DOCK3: variants seen among roughly 807,000 people sequenced by gnomAD.
DOCK3 encodes dedicator of cytokinesis protein 3.
In DOCK3, 60 loss-of-function variants were observed where a neutral mutation model predicts 265.6. The observed-to-expected ratio is 0.23, with a 90% CI of 0.18 to 0.28. DOCK3 has a LOEUF of 0.28. Among genes scored for constraint, DOCK3 ranks in the 10% least tolerant of loss-of-function variants. DOCK3 has a pLI of 1.00. For missense variants in DOCK3, 1,981 were observed against 2,594.3 expected, an observed-to-expected ratio of 0.76 and a Z score of 5.14; for synonymous variants, 881 against 938.0, an observed-to-expected ratio of 0.94 and a Z score of 1.11.
intron 9 of DOCK3, among the ~76,000 whole-genome samples, chr3:51,120,360 A>G (rs974247073): frequency 2.6e-5 from 4 of 151,654 alleles, no homozygotes; most frequent in African/African-American, 9.7e-5. Context: ...AGGGGCACCC[A>G]TTGGGTGCCA....
intron 4 of DOCK3, among the ~76,000 whole-genome samples, chr3:50,922,072 C>T (rs1340545177): frequency 6.6e-6 from 1 of 152,184 alleles, no homozygotes; most frequent in Non-Finnish European, 1.5e-5. Flanking sequence ...AACCACTTCT[C>T]TCTTCAAAGC....
At chr3:50,934,250 C>T (rs900756584) in intron 5 of DOCK3, among the ~76,000 whole-genome samples, 173 bp downstream of exon 5, 4 of 152,106 alleles carry the variant, frequency 2.6e-5, no homozygotes, top group African/African-American at 9.7e-5. Context: ...CTGAGGAGAA[C>T]ACATTATTAT....
chr3:51,364,122 A>G (rs1454121377), intron 49 of DOCK3, among the ~76,000 whole-genome samples: 4 of 152,194 alleles, frequency 2.6e-5, no homozygotes, highest in Admixed American at 2.0e-4. Context: ...AAGTGTTCCT[A>G]TTTCTCTACA....
chr3:50,823,193 G>C lies in DOCK3; in HGVS notation c.122-18482G>C, dbSNP rs1009482446. The stretch of plus-strand genomic sequence containing the variant: ...ATTTTTTTTTATTGATCATTCTTGG[G>C]TGTTTCTTGCAGAGGGGGATTTGGC... On this transcript the variant is annotated intron_variant, in intron 2 of 52. Coordinates refer to ENST00000266037, the MANE Select transcript of DOCK3 (RefSeq NM_004947.5). Among the ~76,000 whole-genome samples, 11 of 150,930 alleles carry C rather than the reference G, an allele frequency of 7.3e-5. No homozygotes were observed. The South Asian group carries it at 2.3e-3, about 32-fold the overall frequency.
intron 51 of DOCK3, among the ~76,000 whole-genome samples, chr3:51,376,664 C>T (rs916438349): frequency 1.3e-5 from 2 of 152,224 alleles, no homozygotes; most frequent in African/African-American, 4.8e-5. Context: ...CACTCAGTTC[C>T]CACCAATACA....
At chr3:51,365,150 CTTTTA>C (rs1417722332) in intron 49 of DOCK3, among the ~76,000 whole-genome samples, 5 of 152,208 alleles carry the variant, frequency 3.3e-5, no homozygotes, top group Non-Finnish European at 7.3e-5. Flanking sequence ...TTTGTGTCCT[CTTTTA>C]TTTTGTTGAG....
intron 5 of DOCK3, among the ~76,000 whole-genome samples, chr3:50,942,418 A>G (rs955705917): frequency 1.3e-5 from 2 of 152,078 alleles, no homozygotes; most frequent in Admixed American, 1.3e-4. Context: ...CTATTATGCT[A>G]TTATGAATAG....
intron 4 of DOCK3, among the ~76,000 whole-genome samples, chr3:50,895,622 C>T (rs934580131): frequency 5.3e-5 from 8 of 152,082 alleles, no homozygotes; most frequent in African/African-American, 1.4e-4. Context: ...CCCATCAACC[C>T]GTCATCAACA....
intron 2 of DOCK3, among the ~76,000 whole-genome samples, 169 bp downstream of exon 2, chr3:50,778,927 T>C (rs931641554): frequency 4.6e-5 from 7 of 152,228 alleles, no homozygotes; most frequent in African/African-American, 1.7e-4. Context: ...CATAAAGGTA[T>C]GAGCTTTTTT....
intron 3 of DOCK3, among the ~76,000 whole-genome samples, chr3:50,882,491 A>C (rs13084627): frequency 0.12 from 17,901 of 152,272 alleles, 1,391 homozygotes; most frequent in Middle Eastern, 0.18. Context: ...GAAGACATTT[A>C]TGCAGCCAAC....
intron 2 of DOCK3, among the ~76,000 whole-genome samples, chr3:50,814,681 G>A (rs775302294): frequency 2.0e-5 from 3 of 151,944 alleles, no homozygotes; most frequent in Non-Finnish European, 4.4e-5. Context: ...CATTAAAACC[G>A]GACTATAAAA....
chr3:51,237,004 T>C (rs745846046), intron 20 of DOCK3, among the ~76,000 whole-genome samples: 3 of 152,014 alleles, frequency 2.0e-5, no homozygotes, highest in African/African-American at 7.2e-5. Flanking sequence ...GAGGTGAGAG[T>C]TGCAATGAGT....
chr3:51,027,751 A>G (rs1235102132), intron 5 of DOCK3, among the ~76,000 whole-genome samples: 1 of 152,100 alleles, frequency 6.6e-6, no homozygotes, highest in African/African-American at 2.4e-5. Context: ...TGATATAGGA[A>G]TAGCACCCCC....
chr3:51,022,208 G>T (rs1224230156), intron 5 of DOCK3, among the ~76,000 whole-genome samples: 1 of 152,080 alleles, frequency 6.6e-6, no homozygotes, highest in Non-Finnish European at 1.5e-5. Context: ...TGTATATTTA[G>T]TGACCCTGTT....
chr3:50,973,302 A>C (rs562215071), intron 5 of DOCK3, among the ~76,000 whole-genome samples: 1,573 of 131,848 alleles, frequency 0.012, 12 homozygotes, highest in South Asian at 0.035. Flanking sequence ...CCCCACCCCA[A>C]AACAGTCCCC....
chr3:50,896,836 T>TC (rs1407173919), intron 4 of DOCK3, among the ~76,000 whole-genome samples: 4 of 152,178 alleles, frequency 2.6e-5, no homozygotes. Context: ...TCTGTTCTGT[T>TC]CCATTGGTCT....
intron 5 of DOCK3, among the ~76,000 whole-genome samples, chr3:50,990,103 GA>G (rs1484178088): frequency 2.0e-5 from 3 of 151,720 alleles, no homozygotes; most frequent in African/African-American, 7.3e-5. Flanking sequence ...GAAAAATAAA[GA>G]AAAAAGACTA....
chr3:51,349,307 G>T (rs1419975466), intron 39 of DOCK3, among the ~76,000 whole-genome samples: 2 of 152,126 alleles, frequency 1.3e-5, no homozygotes, highest in Non-Finnish European at 2.9e-5. Context: ...TTTGCTTATG[G>T]TCACTTTTAA....
At chr3:50,770,630 T>C (rs2675779) in intron 1 of DOCK3, among the ~76,000 whole-genome samples, 143,483 of 152,186 alleles carry the variant, frequency 0.94, 68,278 homozygotes, top group East Asian at 1. Flanking sequence ...CCCAGAGTAG[T>C]CACAGCATTC....
Sources: gnomAD v4.1 joint callset for allele counts (sites outside exome capture counted in the v4.1 genomes callset) on GRCh38, gnomAD v4.1.1 for gene constraint, MANE v1.5 for transcripts, NCBI Gene and HGNC (gene_info 2026-07-23, HGNC 2026-07-21) for gene names.